Variants in NLRX1 observed in about 807,000 individuals in gnomAD.
NLRX1 encodes the protein NOD-like receptor X1.
A neutral mutation model predicts 74.2 loss-of-function variants in NLRX1; 67 were observed. That is an observed-to-expected ratio of 0.90 (90% CI 0.74 to 1.11). The LOEUF is 1.11. Among genes scored for constraint, NLRX1 ranks in the 50% least tolerant of loss-of-function variants. The pLI, the probability that NLRX1 is intolerant of heterozygous loss-of-function variation, is 0.00. For synonymous variants in NLRX1, 506 were observed against 559.1 expected, an observed-to-expected ratio of 0.91 and a Z score of 1.34; for missense variants, 1,191 against 1,305.4, an observed-to-expected ratio of 0.91 and a Z score of 1.35.
intron 6 of NLRX1, among the ~76,000 whole-genome samples, chr11:119,175,897 G>A (rs1948692611): frequency 6.6e-6 from 1 of 152,234 alleles, no homozygotes; most frequent in Admixed American, 6.5e-5. Context: ...TCTGTGTGAT[G>A]TGTGCCAGGC....
chr11:119,175,020 G>T lies in NLRX1; in HGVS notation c.1417G>T (p.Ala473Ser). 6.2e-7 allele frequency: 1 copy of T among 1,614,152 alleles called. No homozygotes were observed. The highest frequency in any genetic ancestry group is 8.5e-7 in the Non-Finnish European group (1 of 1,180,052). The change falls in exon 6 of 10, where the codon GCC (alanine) becomes TCC (serine). Residue 473 changes from alanine (A) to serine (S), a missense_variant. Ala to Ser is a moderately conservative substitution (Grantham distance 99). Transcript: ENST00000409109. The stretch of plus-strand genomic sequence containing the variant: ...GCTGCTGCACATCTTCCGTCGGGAT[G>T]CCCTGAGGTTTTTCCTGGCCCCATG... ...FQLLHIFRRDALRFFLAPCVE... is the reference protein window; with the variant it reads ...FQLLHIFRRDSLRFFLAPCVE...
chr11:119,176,746 G>A lies in NLRX1; in HGVS notation c.1671+1472G>A, dbSNP rs935768736. Among the ~76,000 whole-genome samples the A allele has an allele frequency of 4.6e-5, 7 of 152,242 alleles. No individual in the cohort carries two copies. The South Asian group carries it at 1.5e-3, about 32-fold the overall frequency. On this transcript the variant is annotated intron_variant, in intron 6 of 9. Transcript: ENST00000409109. ...TAAAAAATAAAAAATTTTTAATTTT[G>A]TAGAGATGGGGTCTCACTAGTGATC...
At chr11:119,170,411 G>A (rs1948512885) in intron 1 of NLRX1, among the ~76,000 whole-genome samples, 1 of 152,148 alleles carries the variant, frequency 6.6e-6, no homozygotes, top group African/African-American at 2.4e-5. Context: ...GAGAGGTCAG[G>A]TTTCTAATGT....
chr11:119,173,387 G>A lies in NLRX1; in HGVS notation c.230-92G>A, dbSNP rs199476039. On this transcript the variant is annotated intron_variant, in intron 4 of 9. Transcript: ENST00000409109. The surrounding 1 kb of genome is among the most constrained non-coding windows in gnomAD (Gnocchi z 4.0). The stretch of plus-strand genomic sequence containing the variant: ...TGGGCCCCAGCATCTATGCCGTGAT[G>A]TCCCAGCCTGACCTCACCACCGCCC... 2.9e-6 allele frequency: 4 copies of A among 1,381,462 alleles called. No individual in the cohort carries two copies. The highest frequency in any genetic ancestry group is 1.4e-5 in the African/African-American group (1 of 70,008). The allele number at this position is 1,381,462 out of a possible 1,614,324, so 85.6% of individuals were successfully genotyped here. A position where few individuals can be genotyped will look rare whatever the true frequency, so the allele number is the denominator to read the frequency against.
chr11:119,180,113 C>T lies in NLRX1; in HGVS notation c.2092C>T (p.Leu698=). 6.2e-7 allele frequency: 1 copy of T among 1,613,478 alleles called. No homozygotes were observed. The highest frequency in any genetic ancestry group is 1.1e-5 in the South Asian group (1 of 91,086). Residue 698 remains leucine, a synonymous_variant, in exon 7 of 10, where the codon CTG becomes TTG. Transcript: ENST00000409109. ...QRFSAEVLSS[L]RQLNLAGVRM... is the part of the protein sequence containing the mutation. ...CTTCTCCGCTGAGGTGCTCAGCTCCCTGCGTCAGCTCAACCTGGCAGGTGT... is the reference window on the plus strand; with the variant it reads ...CTTCTCCGCTGAGGTGCTCAGCTCCTTGCGTCAGCTCAACCTGGCAGGTGT...
In NLRX1 at chr11:119,183,203, G is replaced by A. The variant is rs773079751; in HGVS notation, c.2692G>A (p.Val898Met). 2 of 1,614,226 alleles carry A rather than the reference G, an allele frequency of 1.2e-6. No individual in the cohort carries two copies. The highest frequency in any genetic ancestry group is 3.3e-5 in the Admixed American group (2 of 60,026). ...GAAEGGARVV[V>M]SLTEGTAVSE... The stretch of plus-strand genomic sequence containing the variant: ...TGCTGAAGGTGGTGCCCGGGTGGTG[G>A]TGTCACTGACAGAGGGGACGGCGGT... Residue 898 changes from valine to methionine, a missense_variant, in exon 10 of 10, where the codon GTG becomes ATG. By Grantham distance (21) the Val-to-Met change is conservative. Coordinates refer to ENST00000409109, the MANE Select transcript of NLRX1 (RefSeq NM_001282144.2). This position sits in a 1 kb window ranked among gnomAD's most constrained non-coding sequence, Gnocchi z 5.7.
chr11:119,183,097 C>G lies in NLRX1; in HGVS notation c.2607-21C>G. On this transcript the variant is annotated intron_variant, in intron 9 of 9. Transcript: ENST00000409109. The surrounding 1 kb of genome is among the most constrained non-coding windows in gnomAD (Gnocchi z 5.7). ...TTCTCAGAGCTCTACTGAATGGCAT[C>G]GACTTTCTCTCTCCTGCCAGCCTCT... 6.2e-7 allele frequency: 1 copy of G among 1,609,240 alleles called. No homozygotes were observed. The highest frequency in any genetic ancestry group is 8.5e-7 in the Non-Finnish European group (1 of 1,177,474).
At position 119,183,643 on chromosome 11, in the gene NLRX1, T is replaced by C. The variant is rs1404196497; in HGVS notation, c.*204T>C. 1.4e-6 allele frequency: 1 copy of C among 716,692 alleles called. No homozygotes were observed. 44.4% of individuals were successfully genotyped at this position (716,692 alleles called of 1,614,324 possible). A position where few individuals can be genotyped will look rare whatever the true frequency, so the allele number is the denominator to read the frequency against. ...CTCCAAGTTAAAGATGGTGAATCAA[T>C]GCTTCGGGCTTGGAGATGGAACATG... On this transcript the variant is annotated 3_prime_UTR_variant, in exon 10 of 10. Coordinates refer to ENST00000409109, the MANE Select transcript of NLRX1 (RefSeq NM_001282144.2). This position sits in a 1 kb window ranked among gnomAD's most constrained non-coding sequence, Gnocchi z 5.7.
chr11:119,183,517 C>T lies in NLRX1; in HGVS notation c.*78C>T. On this transcript the variant is annotated 3_prime_UTR_variant, in exon 10 of 10. Transcript: ENST00000409109. This position sits in a 1 kb window ranked among gnomAD's most constrained non-coding sequence, Gnocchi z 5.7. ...CTCTGTGGCCTCCTGGCTTGCACTG[C>T]TCCCTCTAGAAAGATTCCTTCAGGT... 1 of 1,357,912 alleles carries T rather than the reference C, an allele frequency of 7.4e-7. No homozygotes were observed. Among genetic ancestry groups the T allele is most frequent in the African/African-American group, 1.4e-5 (1 of 69,580 alleles). The allele number at this position is 1,357,912 out of a possible 1,614,324, so 84.1% of individuals were successfully genotyped here.
Position 119,183,415 on chromosome 11 carries a change from G to T in NLRX1, c.2904G>T (p.Glu968Asp). ...RVEGEVRALL[E>D]QLGSSGS ...AGGGCGAGGTCAGGGCCCTCCTGGA[G>T]CAGCTGGGAAGCTCTGGAAGCTGAG... The change falls in exon 10 of 10, where the codon GAG (glutamate) becomes GAT (aspartate). Residue 968 changes from glutamate to aspartate, a missense_variant. Transcript: ENST00000409109. This position sits in a 1 kb window ranked among gnomAD's most constrained non-coding sequence, Gnocchi z 5.7. The T allele has an allele frequency of 1.2e-6, 2 of 1,613,046 alleles. No homozygotes were observed. The highest frequency in any genetic ancestry group is 1.7e-6 in the Non-Finnish European group (2 of 1,179,760).
chr11:119,183,235 A>ATACT lies in NLRX1; in HGVS notation c.2725_2728dup (p.Trp910LeufsTer8). On this transcript the variant is annotated frameshift_variant, in exon 10 of 10. Transcript: ENST00000409109. LOFTEE classifies it high-confidence loss of function. This position sits in a 1 kb window ranked among gnomAD's most constrained non-coding sequence, Gnocchi z 5.7. ...TGACAGAGGGGACGGCGGTGTCAGA[A>ATACT]TACTGGTCAGTGATCCTCAGTGAAG... 5 of 1,614,220 alleles carry ATACT rather than the reference A, an allele frequency of 3.1e-6. No homozygotes were observed. The highest frequency in any genetic ancestry group is 4.2e-6 in the Non-Finnish European group (5 of 1,180,042).
At chr11:119,172,504 C>A in intron 3 of NLRX1, 79 bp downstream of exon 3, 1 of 1,105,778 alleles carries the variant, frequency 9.0e-7, no homozygotes, top group Non-Finnish European at 1.4e-6. Flanking sequence ...TTGGGGCTAG[C>A]TTGATCTCTT....
rs909596655 is a variant in NLRX1 at position 119,173,096 on chromosome 11, G to T, written c.229+107G>T. On this transcript the variant is annotated intron_variant, in intron 4 of 9. Coordinates refer to ENST00000409109, the MANE Select transcript of NLRX1 (RefSeq NM_001282144.2). This position sits in a 1 kb window ranked among gnomAD's most constrained non-coding sequence, Gnocchi z 4.0. Reference sequence around the variant, plus strand: ...AGAGGATCCACTGCCATCTTCCATCGGTGGTCCCTCCTCCTCTCTCTCTCT... The same window carrying T: ...AGAGGATCCACTGCCATCTTCCATCTGTGGTCCCTCCTCCTCTCTCTCTCT... 1 of 842,020 alleles carries T rather than the reference G, an allele frequency of 1.2e-6. No individual in the cohort carries two copies. Among genetic ancestry groups the T allele is most frequent in the South Asian group, 1.4e-5 (1 of 71,242 alleles). 52.2% of individuals were successfully genotyped at this position (842,020 alleles called of 1,614,324 possible).
In NLRX1 at chr11:119,175,153, A is replaced by G; in HGVS notation, c.1550A>G (p.Lys517Arg). ...GGTTTGCGCAAGACGACCCTGCAAA[A>G]GGTGGGCAAGGAAGTGGCTGAGCTC... Reference protein sequence around the residue: ...VLGLRKTTLQKVGKEVAELVG... With the variant: ...VLGLRKTTLQRVGKEVAELVG... The change falls in exon 6 of 10, where the codon AAG becomes AGG. Residue 517 changes from lysine (K) to arginine (R), a missense_variant. Transcript: ENST00000409109. 1 of 1,614,206 alleles carries G rather than the reference A, an allele frequency of 6.2e-7. No homozygotes were observed. Among genetic ancestry groups the G allele is most frequent in the Non-Finnish European group, 8.5e-7 (1 of 1,180,050 alleles).
At position 119,173,823 on chromosome 11, in the gene NLRX1, G is replaced by A. The variant is rs146286979; in HGVS notation, c.574G>A (p.Glu192Lys). ...GTGTTATGGGCGGCTGCCGGCCTTC[G>A]AGCTGCTCATCCCCTTCTCCTGTGA... ...DWCYGRLPAF[E>K]LLIPFSCEDL... Residue 192 changes from glutamate to lysine, a missense_variant, in exon 5 of 10, where the codon GAG becomes AAG. Coordinates refer to ENST00000409109, the MANE Select transcript of NLRX1 (RefSeq NM_001282144.2). This position sits in a 1 kb window ranked among gnomAD's most constrained non-coding sequence, Gnocchi z 4.0. 5.3e-4 allele frequency: 853 copies of A among 1,613,470 alleles called. 2 individuals are homozygous for A. The African/African-American group carries it at 9.5e-3, about 18-fold the overall frequency.
chr11:119,182,275 G>A lies in NLRX1; in HGVS notation c.2536G>A (p.Gly846Ser), dbSNP rs747350573. 3.1e-6 allele frequency: 5 copies of A among 1,613,548 alleles called. No individual in the cohort carries two copies. The highest frequency in any genetic ancestry group is 1.3e-5 in the African/African-American group (1 of 74,924). ...QLQELNVAYN[G>S]AGDTAALALA... ...GCAGGAGCTGAACGTGGCGTACAAC[G>A]GTGCTGGTGACACAGCGGCCCTGGC... The change falls in exon 9 of 10, where the codon GGT (glycine) becomes AGT (serine). Residue 846 changes from glycine (G) to serine (S), a missense_variant. By Grantham distance (56) the Gly-to-Ser change is moderately conservative. Transcript: ENST00000409109.
At chr11:119,179,631 A>G in intron 6 of NLRX1, 62 bp from the exon 7 acceptor site, 1 of 1,220,478 alleles carries the variant, frequency 8.2e-7, no homozygotes, top group African/African-American at 2.2e-5. Context: ...CCTTAAGCTG[A>G]ACCTTGAAGG....
chr11:119,171,064 G>GC (rs1357097288), intron 1 of NLRX1, among the ~76,000 whole-genome samples: 1 of 152,124 alleles, frequency 6.6e-6, no homozygotes, highest in Non-Finnish European at 1.5e-5. Flanking sequence ...AATCGCTTGG[G>GC]CCCGGGAGGC....
In NLRX1 at chr11:119,183,438, G is replaced by A; in HGVS notation, c.2927G>A (p.Ter976=). 1 of 1,610,108 alleles carries A rather than the reference G, an allele frequency of 6.2e-7. No individual in the cohort carries two copies. ...GAGCAGCTGGGAAGCTCTGGAAGCT[G>A]AGACACTGGCGGCAGGCACCTAGCT... ...LLEQLGSSGS[*] is the part of the protein sequence containing the mutation. The change falls in exon 10 of 10, where the codon TGA becomes TAA. Residue 976 remains the stop codon, a stop_retained_variant. Transcript: ENST00000409109. The surrounding 1 kb of genome is among the most constrained non-coding windows in gnomAD (Gnocchi z 5.7).
Sources: gnomAD v4.1 joint callset for allele counts (sites outside exome capture counted in the v4.1 genomes callset) on GRCh38, gnomAD v4.1.1 for gene constraint, Gnocchi (gnomAD v3.1) non-coding constraint, MANE v1.5 for transcripts, NCBI Gene and HGNC (gene_info 2026-07-23, HGNC 2026-07-21) for gene names.